The following FCN2 variants were observed in gnomAD, a reference collection of about 807,000 sequenced individuals.
The protein encoded by FCN2 is ficolin 2.
FCN2 carries 31 observed loss-of-function variants against 32.5 expected under a neutral mutation model. That is an observed-to-expected ratio of 0.96 (90% CI 0.72 to 1.29). FCN2 has a LOEUF of 1.29. Ranked by LOEUF, FCN2 falls within the 50% of genes most tolerant of loss-of-function variation. FCN2 has a pLI of 0.00. For synonymous variants in FCN2, 181 were observed against 164.5 expected (o/e 1.10, Z -0.77); for missense variants, 412 against 406.5 (o/e 1.01, Z -0.12).
the FCN2 span, among the ~76,000 whole-genome samples, chr9:134,870,982 C>G: frequency 1.3e-5 from 2 of 152,198 alleles, no homozygotes; most frequent in Non-Finnish European, 2.9e-5. This position sits in a 1 kb window ranked among gnomAD's most constrained non-coding sequence, Gnocchi z 4.3. Context: ...ACCCCAGAGT[C>G]AGGCGACCTC....
intron 3 of FCN2, among the ~76,000 whole-genome samples, 178 bp downstream of exon 3, chr9:134,883,533 C>T (rs1443593898): frequency 7.1e-6 from 1 of 140,794 alleles, no homozygotes; most frequent in African/African-American, 2.7e-5. Context: ...GAAGGGGTCT[C>T]AATGTGTGTG....
chr9:134,881,104 C>T (rs1830657810), intron 1 of FCN2, among the ~76,000 whole-genome samples, 183 bp downstream of exon 1: 2 of 152,224 alleles, frequency 1.3e-5, no homozygotes, highest in Admixed American at 1.3e-4. Context: ...ATGGATGTGG[C>T]ATCTCAGAGA....
At chr9:134,881,563 C>T (rs182406070) in intron 1 of FCN2, among the ~76,000 whole-genome samples, 19 of 152,294 alleles carry the variant, frequency 1.2e-4, no homozygotes, top group Admixed American at 9.8e-4. Flanking sequence ...CAGGTCCTGA[C>T]TCCGTCTACC....
chr9:134,864,305 C>T, the FCN2 span, among the ~76,000 whole-genome samples: 1 of 152,218 alleles, frequency 6.6e-6, no homozygotes, highest in African/African-American at 2.4e-5. Flanking sequence ...CACAAACAGG[C>T]AGGCCCTTCC....
the FCN2 span, among the ~76,000 whole-genome samples, chr9:134,875,446 A>G: frequency 6.6e-6 from 1 of 152,142 alleles, no homozygotes; most frequent in Admixed American, 6.5e-5. Context: ...CCTTGAGTGT[A>G]GAGAGAATCT....
the FCN2 span, among the ~76,000 whole-genome samples, chr9:134,864,282 C>A: frequency 6.6e-6 from 1 of 152,246 alleles, no homozygotes; most frequent in South Asian, 2.1e-4. Context: ...TCCCGCCAAG[C>A]TTTCCCTAAA....
intron 7 of FCN2, 68 bp downstream of exon 7, chr9:134,886,632 C>G: frequency 1.9e-6 from 3 of 1,574,318 alleles, no homozygotes; most frequent in Non-Finnish European, 2.6e-6. Flanking sequence ...AGAGAGCGTG[C>G]TCAGTGTCCT....
In FCN2 at chr9:134,885,711, C is replaced by T. The variant is rs1427870262; in HGVS notation, c.430-57C>T. The T allele has an allele frequency of 4.2e-5, 68 of 1,612,138 alleles. 1 individual carries two copies. The highest frequency in any genetic ancestry group is 3.6e-4 in the East Asian group (16 of 44,844). On this transcript the variant is annotated intron_variant, in intron 5 of 7. Transcript: ENST00000291744. Reference sequence around the variant, plus strand: ...CTGCTCCTCTGGAGGGCGGGTCCCCCGTGCTGTGGGACGTCGGCCTGGCCC... The same window carrying T: ...CTGCTCCTCTGGAGGGCGGGTCCCCTGTGCTGTGGGACGTCGGCCTGGCCC...
At chr9:134,868,767 G>A in the FCN2 span, among the ~76,000 whole-genome samples, 1 of 152,200 alleles carries the variant, frequency 6.6e-6, no homozygotes, top group Non-Finnish European at 1.5e-5. The surrounding 1 kb of genome is among the most constrained non-coding windows in gnomAD (Gnocchi z 4.3). Flanking sequence ...CGTTTGCCCT[G>A]CCCTGACCAG....
At position 134,885,289 on chromosome 9, in the gene FCN2, T is replaced by A. The variant is rs1286974956; in HGVS notation, c.352T>A (p.Trp118Arg). Residue 118 changes from tryptophan (W) to arginine (R), a missense_variant, in exon 5 of 8, where the codon TGG becomes AGG. Trp to Arg is a moderately radical substitution (Grantham distance 101, BLOSUM62 -3). Transcript: ENST00000291744. The part of the protein sequence containing the change: ...LLDRGHFLSG[W>R]HTIYLPDCRP... ...AGACCGAGGGCACTTCCTGAGCGGC[T>A]GGCACACCATCTACCTGCCCGACTG... 6.2e-7 allele frequency: 1 copy of A among 1,614,144 alleles called. No individual in the cohort carries two copies. The highest frequency in any genetic ancestry group is 1.1e-5 in the South Asian group (1 of 91,086).
At chr9:134,877,628 G>A (rs1457756665), upstream of FCN2, among the ~76,000 whole-genome samples, 4 of 152,204 alleles carry the variant, frequency 2.6e-5, no homozygotes, top group African/African-American at 9.7e-5. Flanking sequence ...TGCTACAAGA[G>A]TCTCATGGCC....
chr9:134,870,992 C>T, the FCN2 span, among the ~76,000 whole-genome samples: 1 of 152,220 alleles, frequency 6.6e-6, no homozygotes, highest in African/African-American at 2.4e-5. The surrounding 1 kb of genome is among the most constrained non-coding windows in gnomAD (Gnocchi z 4.3). Flanking sequence ...CAGGCGACCT[C>T]GTTGCCAGCA....
the FCN2 span, among the ~76,000 whole-genome samples, chr9:134,867,506 G>A: frequency 9.1e-6 from 1 of 109,830 alleles, no homozygotes; most frequent in African/African-American, 3.5e-5. Flanking sequence ...GGGGGGAGGG[G>A]GGAGGGATAG....
At chr9:134,874,847 T>A in the FCN2 span, among the ~76,000 whole-genome samples, 1 of 152,258 alleles carries the variant, frequency 6.6e-6, no homozygotes, top group Non-Finnish European at 1.5e-5. Flanking sequence ...CTAGGTATAA[T>A]CTCTCATTTA....
chr9:134,874,274 G>T, the FCN2 span, among the ~76,000 whole-genome samples: 42 of 152,272 alleles, frequency 2.8e-4, no homozygotes, highest in African/African-American at 9.4e-4. Flanking sequence ...TGCTTTTGGA[G>T]ATTATGCTTT....
chr9:134,884,831 A>G (rs1160928170), intron 4 of FCN2, 59 bp downstream of exon 4: 3 of 1,507,998 alleles, frequency 2.0e-6, no homozygotes, highest in Non-Finnish European at 2.8e-6. Flanking sequence ...CTGGAAGTCC[A>G]GGGTCATACG....
At chr9:134,886,002 G>T in intron 6 of FCN2, 105 bp downstream of exon 6, 1 of 1,230,344 alleles carries the variant, frequency 8.1e-7, no homozygotes, top group East Asian at 2.4e-5. Context: ...GCCCACAGGG[G>T]ATTGGGCCCT....
chr9:134,882,694 C>A, intron 2 of FCN2, 55 bp downstream of exon 2: 1 of 1,259,920 alleles, frequency 7.9e-7, no homozygotes, highest in Non-Finnish European at 1.2e-6. Context: ...AAACCAGATG[C>A]TGAGTTGGGC....
intron 1 of FCN2, 25 bp downstream of exon 1, chr9:134,880,946 C>T (rs3128627): frequency 0.94 from 1,467,270 of 1,566,642 alleles, 687,549 homozygotes; most frequent in East Asian, 1. Context: ...GGGCCTCCTC[C>T]TGGAAACTTC....
Sources: gnomAD v4.1 joint callset for allele counts (sites outside exome capture counted in the v4.1 genomes callset) on GRCh38, gnomAD v4.1.1 for gene constraint, Gnocchi (gnomAD v3.1) non-coding constraint, MANE v1.5 for transcripts, NCBI Gene and HGNC (gene_info 2026-07-23, HGNC 2026-07-21) for gene names.